SPMIP7: variants seen among roughly 807,000 people sequenced by gnomAD.
The protein encoded by SPMIP7 is protein SPMIP7.
At chr7:50,098,082 T>A in the SPMIP7 span, among the ~76,000 whole-genome samples, 1 of 152,158 alleles carries the variant, frequency 6.6e-6, no homozygotes, top group African/African-American at 2.4e-5. Flanking sequence ...GTAACAAACC[T>A]AAATACACGT....
At chr7:50,104,296 CT>C in the SPMIP7 span, 30 of 1,405,854 alleles carry the variant, frequency 2.1e-5, no homozygotes, top group South Asian at 5.8e-5. Context: ...ATCCCATTCG[CT>C]TTTTTTGTGT....
the SPMIP7 span, among the ~76,000 whole-genome samples, chr7:50,155,450 G>A: frequency 2.0e-3 from 298 of 152,260 alleles, no homozygotes; most frequent in African/African-American, 6.9e-3. Context: ...AAACCTTGTG[G>A]CTGGTTCATG....
the SPMIP7 span, among the ~76,000 whole-genome samples, chr7:50,153,986 CA>C: frequency 2.0e-5 from 3 of 152,156 alleles, no homozygotes; most frequent in Non-Finnish European, 4.4e-5. Context: ...AGCATCTCTC[CA>C]GGCCATTTGA....
the SPMIP7 span, chr7:50,129,705 C>T: frequency 6.6e-7 from 1 of 1,523,944 alleles, no homozygotes; most frequent in Non-Finnish European, 8.9e-7. Context: ...ACTTATTTTT[C>T]ATGCCTTCTA....
At chr7:50,151,676 A>G in the SPMIP7 span, 1 of 709,412 alleles carries the variant, frequency 1.4e-6, no homozygotes, top group Non-Finnish European at 2.2e-6. Flanking sequence ...GTTTTTAAAA[A>G]TGTGGCATCA....
At chr7:50,146,904 G>T in the SPMIP7 span, among the ~76,000 whole-genome samples, 2 of 152,142 alleles carry the variant, frequency 1.3e-5, no homozygotes, top group East Asian at 1.9e-4. Flanking sequence ...GCATCACATC[G>T]CCCCCAGCAC....
the SPMIP7 span, among the ~76,000 whole-genome samples, chr7:50,114,255 C>T: frequency 2.0e-5 from 3 of 152,060 alleles, no homozygotes; most frequent in African/African-American, 4.8e-5. Context: ...ATATAAAATA[C>T]TATTTTTCAT....
At chr7:50,129,405 A>G in the SPMIP7 span, among the ~76,000 whole-genome samples, 2 of 152,050 alleles carry the variant, frequency 1.3e-5, no homozygotes, top group African/African-American at 4.8e-5. Flanking sequence ...ACGTTCTAAA[A>G]TTTTTTTAAT....
At chr7:50,137,834 C>T in the SPMIP7 span, among the ~76,000 whole-genome samples, 1 of 152,218 alleles carries the variant, frequency 6.6e-6, no homozygotes, top group South Asian at 2.1e-4. Context: ...TATTTTGTCC[C>T]TTTTGCTGTT....
the SPMIP7 span, among the ~76,000 whole-genome samples, chr7:50,109,367 ATTTATTT>A: frequency 0.79 from 118,037 of 150,218 alleles, 46,002 homozygotes; most frequent in East Asian, 0.88. Flanking sequence ...AGTTTAATTT[ATTTATTT>A]ATTTATTTAT....
the SPMIP7 span, chr7:50,151,494 C>T: frequency 5.8e-6 from 9 of 1,551,440 alleles, no homozygotes; most frequent in Admixed American, 3.9e-5. Context: ...CATTTCACAG[C>T]CACCCACCCA....
chr7:50,129,265 T>C, the SPMIP7 span, among the ~76,000 whole-genome samples: 1 of 151,774 alleles, frequency 6.6e-6, no homozygotes, highest in Non-Finnish European at 1.5e-5. Flanking sequence ...TCATTGAAAA[T>C]TGAAATAAAT....
At chr7:50,104,226 C>T in the SPMIP7 span, 10 of 537,620 alleles carry the variant, frequency 1.9e-5, no homozygotes, top group Non-Finnish European at 3.3e-5. Flanking sequence ...ATCACACAGT[C>T]TAGCTTCTAA....
chr7:50,122,095 T>C, the SPMIP7 span, among the ~76,000 whole-genome samples: 79,136 of 152,078 alleles, frequency 0.52, 21,571 homozygotes, highest in East Asian at 0.73. Flanking sequence ...CAAGTGTACA[T>C]TAAAAGAAAT....
chr7:50,136,245 T>C, the SPMIP7 span: 1 of 1,087,060 alleles, frequency 9.2e-7, no homozygotes, highest in Non-Finnish European at 1.4e-6. Flanking sequence ...GCTGTAGCCC[T>C]TGGCTTAGAG....
chr7:50,122,804 A>T, the SPMIP7 span, among the ~76,000 whole-genome samples: 486 of 152,368 alleles, frequency 3.2e-3, 1 homozygote, highest in African/African-American at 0.011. Context: ...CAGCCAAAAA[A>T]CACATGAAAA....
chr7:50,134,068 T>C, the SPMIP7 span: 1 of 1,492,358 alleles, frequency 6.7e-7, no homozygotes, highest in Non-Finnish European at 9.0e-7. Flanking sequence ...ACCAATTGAA[T>C]ATGCTTTTCA....
At chr7:50,128,253 G>A in the SPMIP7 span, among the ~76,000 whole-genome samples, 4 of 151,916 alleles carry the variant, frequency 2.6e-5, no homozygotes, top group African/African-American at 9.7e-5. Flanking sequence ...ATATACGAAA[G>A]CTAAAATGGT....
At chr7:50,138,708 A>G in the SPMIP7 span, among the ~76,000 whole-genome samples, 3 of 152,208 alleles carry the variant, frequency 2.0e-5, no homozygotes, top group Non-Finnish European at 4.4e-5. Flanking sequence ...CATTTTTAAA[A>G]TCTTTAACAA....
Sources: gnomAD v4.1 joint callset for allele counts (sites outside exome capture counted in the v4.1 genomes callset) on GRCh38, gnomAD v4.1.1 for gene constraint, MANE v1.5 for transcripts, NCBI Gene and HGNC (gene_info 2026-07-23, HGNC 2026-07-21) for gene names.